TFAP2D: variants seen among roughly 807,000 people sequenced by gnomAD.
TFAP2D encodes transcription factor AP-2-delta.
TFAP2D carries 9 observed loss-of-function variants against 43.6 expected under a neutral mutation model. The observed-to-expected ratio is 0.21, with a 90% CI of 0.12 to 0.36. The LOEUF (loss-of-function observed/expected upper bound fraction) is 0.36, where lower values mean the gene tolerates loss of function less well. Among genes scored for constraint, TFAP2D ranks in the 10% least tolerant of loss-of-function variants. The pLI, the probability that TFAP2D is intolerant of heterozygous loss-of-function variation, is 1.00. For synonymous variants in TFAP2D, 256 were observed against 224.9 expected (o/e 1.14, Z -1.24); for missense variants, 513 against 561.4 (o/e 0.91, Z 0.87).
intron 2 of TFAP2D, among the ~76,000 whole-genome samples, 181 bp from the exon 3 acceptor site, chr6:50,718,909 G>A (rs1768669889): frequency 6.6e-6 from 1 of 152,162 alleles, no homozygotes; most frequent in Admixed American, 6.5e-5. Flanking sequence ...TTTAGATTGT[G>A]GTTTTTCTTG....
intron 5 of TFAP2D, among the ~76,000 whole-genome samples, chr6:50,734,197 C>T (rs909748164): frequency 6.6e-6 from 1 of 151,958 alleles, no homozygotes; most frequent in African/African-American, 2.4e-5. Flanking sequence ...CATCTTAGCT[C>T]ATGTAAATTA....
intron 5 of TFAP2D, among the ~76,000 whole-genome samples, chr6:50,742,609 GATA>G (rs1561936898): frequency 1.3e-5 from 2 of 151,522 alleles, no homozygotes; most frequent in Non-Finnish European, 2.9e-5. Flanking sequence ...TAGATAGATA[GATA>G]GATAGATAGA....
chr6:50,718,892 T>A (rs1482951135), intron 2 of TFAP2D, among the ~76,000 whole-genome samples, 198 bp from the exon 3 acceptor site: 2 of 152,214 alleles, frequency 1.3e-5, no homozygotes, highest in East Asian at 3.9e-4. Context: ...TTAAGATTTA[T>A]ACAACTTTTA....
intron 5 of TFAP2D, among the ~76,000 whole-genome samples, chr6:50,730,674 C>T (rs1025019298): frequency 1.3e-5 from 2 of 152,028 alleles, no homozygotes; most frequent in Non-Finnish European, 2.9e-5. Flanking sequence ...TGGTAGGACT[C>T]GAGTAGTTCT....
At chr6:50,753,234 G>A (rs1051575780) in intron 7 of TFAP2D, among the ~76,000 whole-genome samples, 7 of 151,896 alleles carry the variant, frequency 4.6e-5, no homozygotes, top group African/African-American at 1.7e-4. Flanking sequence ...ACAGAGAAAT[G>A]AGACTCTGTC....
intron 5 of TFAP2D, among the ~76,000 whole-genome samples, chr6:50,733,966 C>G (rs1365136405): frequency 6.6e-6 from 1 of 150,606 alleles, no homozygotes; most frequent in Non-Finnish European, 1.5e-5. Context: ...AATTCTCTCT[C>G]TCTGTCTCTC....
intron 2 of TFAP2D, among the ~76,000 whole-genome samples, chr6:50,717,832 G>C (rs1052840883): frequency 1.3e-5 from 2 of 152,194 alleles, no homozygotes; most frequent in African/African-American, 4.8e-5. Context: ...AAATGGGGAG[G>C]GAGTGTGTGG....
At chr6:50,771,167 A>C (rs942627139) in intron 7 of TFAP2D, among the ~76,000 whole-genome samples, 25 of 152,182 alleles carry the variant, frequency 1.6e-4, no homozygotes, top group African/African-American at 6.0e-4. Context: ...TTAATTAGTT[A>C]GTTTTCGGGA....
Position 50,772,791 on chromosome 6 carries a change from A to G in TFAP2D, c.1286A>G (p.Asn429Ser). ...GCGGATTCTGGCCAAGGACATGCCAACTCGGAGAAAGCTCCCCTGCGGAAA... is the reference window on the plus strand; with the variant it reads ...GCGGATTCTGGCCAAGGACATGCCAGCTCGGAGAAAGCTCCCCTGCGGAAA... ...GAADSGQGHANSEKAPLRKTS... is the reference protein window; with the variant it reads ...GAADSGQGHASSEKAPLRKTS... Residue 429 changes from asparagine (N) to serine (S), a missense_variant, in exon 8 of 8, where the codon AAC becomes AGC. Physicochemically the swap from Asn to Ser is conservative, Grantham distance 46. Coordinates refer to ENST00000008391, the MANE Select transcript of TFAP2D (RefSeq NM_172238.4). 2 of 1,614,116 alleles carry G rather than the reference A, an allele frequency of 1.2e-6. No homozygotes were observed. The highest frequency in any genetic ancestry group is 8.5e-7 in the Non-Finnish European group (1 of 1,180,008).
At chr6:50,739,977 GCAT>G (rs1769014969) in intron 5 of TFAP2D, among the ~76,000 whole-genome samples, 1 of 152,152 alleles carries the variant, frequency 6.6e-6, no homozygotes, top group Non-Finnish European at 1.5e-5. Flanking sequence ...GCTGTAGAAT[GCAT>G]TCCTTTCCGA....
chr6:50,746,016 G>A (rs992186568), intron 6 of TFAP2D, among the ~76,000 whole-genome samples: 1 of 152,094 alleles, frequency 6.6e-6, no homozygotes, highest in Non-Finnish European at 1.5e-5. Flanking sequence ...ACCGCAGATA[G>A]CACTGCAGGT....
intron 1 of TFAP2D, among the ~76,000 whole-genome samples, chr6:50,714,628 G>A (rs1018922457): frequency 1.3e-5 from 2 of 152,244 alleles, no homozygotes; most frequent in South Asian, 2.1e-4. Flanking sequence ...AGCCCGGGCC[G>A]AACATCTCGG....
At chr6:50,739,195 A>T (rs1053390560) in intron 5 of TFAP2D, among the ~76,000 whole-genome samples, 1 of 151,932 alleles carries the variant, frequency 6.6e-6, no homozygotes, top group Non-Finnish European at 1.5e-5. Flanking sequence ...TACATTAGGT[A>T]TATCTCCTAA....
intron 3 of TFAP2D, among the ~76,000 whole-genome samples, chr6:50,720,382 T>G (rs1176805696): frequency 1.3e-5 from 2 of 150,772 alleles, no homozygotes; most frequent in African/African-American, 4.8e-5. Context: ...AAACAAAGGG[T>G]GCTTTCCTTT....
chr6:50,721,747 A>T (rs927566311), intron 3 of TFAP2D, among the ~76,000 whole-genome samples: 2 of 152,130 alleles, frequency 1.3e-5, no homozygotes, highest in Non-Finnish European at 2.9e-5. Context: ...TTGACCCACC[A>T]CATGAAACAT....
intron 6 of TFAP2D, among the ~76,000 whole-genome samples, chr6:50,746,169 A>C (rs891679205): frequency 3.9e-5 from 6 of 152,176 alleles, no homozygotes; most frequent in African/African-American, 1.2e-4. Context: ...TTTAGAACTG[A>C]TAGTTTCAGC....
chr6:50,714,082 C>G lies in TFAP2D; in HGVS notation c.27C>G (p.Val9=). 3.7e-6 allele frequency: 6 copies of G among 1,610,234 alleles called. No individual in the cohort carries two copies. Among genetic ancestry groups the G allele is most frequent in the Non-Finnish European group, 5.1e-6 (6 of 1,179,090 alleles). ...TGTCAACTACCTTTCCGGGACTAGT[C>G]CACGATGCCGAGGTATTATTACTTT... The part of the protein sequence containing the change: MSTTFPGL[V]HDAEIRHDGS... The change falls in exon 1 of 8, where the codon GTC becomes GTG. Residue 9 remains valine (V), a synonymous_variant. Transcript: ENST00000008391.
intron 1 of TFAP2D, among the ~76,000 whole-genome samples, chr6:50,714,876 G>T (rs1197589317): frequency 6.6e-6 from 1 of 152,034 alleles, no homozygotes; most frequent in Non-Finnish European, 1.5e-5. Context: ...TATATAGGGT[G>T]GGGGATTTTT....
At chr6:50,715,681 T>G in intron 2 of TFAP2D, 68 bp downstream of exon 2, 5 of 1,502,696 alleles carry the variant, frequency 3.3e-6, no homozygotes, top group Non-Finnish European at 4.4e-6. Flanking sequence ...GCCCCATTAA[T>G]GCTCCGACTG....
Sources: allele counts gnomAD v4.1 joint callset (sites outside exome capture counted in the v4.1 genomes callset), GRCh38; gene constraint gnomAD v4.1.1; transcripts MANE v1.5; gene names NCBI Gene and HGNC (gene_info 2026-07-23, HGNC 2026-07-21).